Variants in IQCK observed in about 807,000 individuals in gnomAD.
The protein encoded by IQCK is IQ domain-containing protein K.
A neutral mutation model predicts 28.1 loss-of-function variants in IQCK; 29 were observed. The observed-to-expected ratio is 1.03, with a 90% CI of 0.77 to 1.41. The LOEUF (loss-of-function observed/expected upper bound fraction) is 1.41, where lower values mean the gene tolerates loss of function less well. Ranked by LOEUF, IQCK falls within the 40% of genes most tolerant of loss-of-function variation. The pLI, the probability that IQCK is intolerant of heterozygous loss-of-function variation, is 0.00. For synonymous variants in IQCK, 113 were observed against 115.1 expected (o/e 0.98, Z 0.12); for missense variants, 359 against 314.7 (o/e 1.14, Z -1.07).
intron 4 of IQCK, among the ~76,000 whole-genome samples, chr16:19,744,647 C>A (rs2054882200): frequency 6.6e-6 from 1 of 152,074 alleles, no homozygotes; most frequent in African/African-American, 2.4e-5. Flanking sequence ...TTTATTTAAC[C>A]CTTTCTCAAA....
rs201028843 is a variant in IQCK, at chr16:19,839,625, T to A, written c.802+12488T>A. On this transcript the variant is annotated intron_variant, in intron 9 of 9. Coordinates refer to the IQCK transcript ENST00000320394. ...ATGGTAGACAGTCAAGGAATACTTG[T>A]TGGTTGAATGAATGGATCTGTGTTA... is the stretch of plus-strand genomic sequence containing the variant. 3.3e-5 allele frequency among the ~76,000 whole-genome samples: 5 copies of A among 152,268 alleles called. No individual in the cohort carries two copies. The East Asian group carries it at 9.6e-4, about 29-fold the overall frequency.
chr16:19,854,213 C>T (rs538679246), intron 9 of IQCK, among the ~76,000 whole-genome samples: 18 of 152,352 alleles, frequency 1.2e-4, no homozygotes, highest in African/African-American at 4.3e-4. Flanking sequence ...TTCTTACAAG[C>T]AGCCAGGGTA....
intron 9 of IQCK, among the ~76,000 whole-genome samples, chr16:19,843,483 C>A (rs1378747099): frequency 3.9e-5 from 6 of 152,216 alleles, no homozygotes; most frequent in Non-Finnish European, 2.9e-5. Flanking sequence ...TCCTTTGTGA[C>A]TGACTTCTTT....
Position 19,820,775 on chromosome 16 carries a change from T to C in IQCK, c.691-6251T>C, listed in dbSNP as rs995596955. On this transcript the variant is annotated intron_variant, in intron 7 of 7. Coordinates refer to ENST00000564186, the Ensembl canonical transcript of IQCK. ...AGAAAATACTAGTATATAATACATT[T>C]GAGAAGCGTATAGTGTCCAAAACAT... Among the ~76,000 whole-genome samples the C allele has an allele frequency of 9.2e-5, 14 of 152,200 alleles. No individual in the cohort carries two copies. In the East Asian group the frequency reaches 2.5e-3, roughly 27 times the overall value.
At chr16:19,766,580 C>T (rs765399562) in intron 6 of IQCK, among the ~76,000 whole-genome samples, 15 of 152,232 alleles carry the variant, frequency 9.9e-5, no homozygotes, top group South Asian at 6.2e-4. Context: ...GTTGTCTCAA[C>T]CTTGGCACTA....
intron 7 of IQCK, among the ~76,000 whole-genome samples, chr16:19,812,233 C>T (rs1195418979): frequency 4.6e-5 from 7 of 152,098 alleles, no homozygotes. Flanking sequence ...GTGATCCGCC[C>T]ACCTGGGCCT....
At chr16:19,757,432 G>T (rs138943926) in intron 4 of IQCK, among the ~76,000 whole-genome samples, 4,691 of 152,294 alleles carry the variant, frequency 0.031, 226 homozygotes, top group African/African-American at 0.11. Flanking sequence ...CAGCACTTTG[G>T]GAGGCCGAGG....
At chr16:19,835,390 A>G (rs1049632013) in intron 9 of IQCK, among the ~76,000 whole-genome samples, 2 of 152,174 alleles carry the variant, frequency 1.3e-5, no homozygotes, top group Non-Finnish European at 2.9e-5. Context: ...TATCATTGCC[A>G]TCTGCTTCAT....
chr16:19,766,401 G>A lies in IQCK; in HGVS notation c.605+2289G>A, dbSNP rs546414048. 2.0e-5 allele frequency among the ~76,000 whole-genome samples: 3 copies of A among 152,368 alleles called. No homozygotes were observed. In the East Asian group the frequency reaches 5.8e-4, roughly 29 times the overall value. On this transcript the variant is annotated intron_variant, in intron 6 of 7. Transcript: ENST00000564186. ...ACGTGCCCTTCCTGGTGGGCCTGGAGCCAGCCCAGCTGGGGCAGCGGCCAA... is the reference window on the plus strand; with the variant it reads ...ACGTGCCCTTCCTGGTGGGCCTGGAACCAGCCCAGCTGGGGCAGCGGCCAA...
chr16:19,785,561 A>G (rs1374073900), intron 6 of IQCK, among the ~76,000 whole-genome samples: 3 of 152,194 alleles, frequency 2.0e-5, no homozygotes, highest in Admixed American at 6.5e-5. Flanking sequence ...TGCACAGCTG[A>G]TGGGAAATTG....
At chr16:19,778,422 G>A (rs548016590) in intron 6 of IQCK, among the ~76,000 whole-genome samples, 46 of 152,202 alleles carry the variant, frequency 3.0e-4, no homozygotes, top group African/African-American at 1.1e-3. Context: ...TTGGGAGGCC[G>A]AGGCGGGAGG....
At chr16:19,817,674 AAATTAATT>A (rs59095227) in intron 7 of IQCK, among the ~76,000 whole-genome samples, 1 of 152,046 alleles carries the variant, frequency 6.6e-6, no homozygotes, top group African/African-American at 2.4e-5. Context: ...ATTATAGGAA[AAATTAATT>A]AATTATTTAT....
chr16:19,764,687 A>C (rs1359972260), intron 6 of IQCK, among the ~76,000 whole-genome samples: 2 of 148,240 alleles, frequency 1.3e-5, no homozygotes, highest in African/African-American at 2.5e-5. Flanking sequence ...TTATTCCTTT[A>C]ATTTCTTTTT....
At chr16:19,725,873 T>C (rs1777536717) in intron 1 of IQCK, among the ~76,000 whole-genome samples, 1 of 152,224 alleles carries the variant, frequency 6.6e-6, no homozygotes, top group Admixed American at 6.5e-5. Flanking sequence ...GAAATTTATA[T>C]TTTTTCCATC....
At chr16:19,824,983 C>T (rs983512389) in intron 7 of IQCK, among the ~76,000 whole-genome samples, 6 of 152,178 alleles carry the variant, frequency 3.9e-5, no homozygotes, top group African/African-American at 1.4e-4. Context: ...AGGCTGGGTT[C>T]GATGCCCCTT....
intron 7 of IQCK, among the ~76,000 whole-genome samples, chr16:19,802,729 T>A (rs1377411497): frequency 2.0e-5 from 3 of 152,148 alleles, no homozygotes; most frequent in Non-Finnish European, 4.4e-5. Context: ...TTTTCCAGCA[T>A]GTTACATAAA....
At position 19,764,126 on chromosome 16, in the gene IQCK, A is replaced by G; in HGVS notation, c.605+14A>G. Reference sequence around the variant, plus strand: ...GCTAAAGCAACAGTGAGTATGACACAAGGCTTTGAATAATTTATTCCTAAT... The same window carrying G: ...GCTAAAGCAACAGTGAGTATGACACGAGGCTTTGAATAATTTATTCCTAAT... On this transcript the variant is annotated intron_variant, in intron 6 of 7. Coordinates refer to ENST00000564186, the Ensembl canonical transcript of IQCK. 3 of 1,586,460 alleles carry G rather than the reference A, an allele frequency of 1.9e-6. No individual in the cohort carries two copies. The highest frequency in any genetic ancestry group is 2.6e-6 in the Non-Finnish European group (3 of 1,157,070).
chr16:19,800,589 G>A (rs1482514162), intron 7 of IQCK, among the ~76,000 whole-genome samples: 1 of 21,172 alleles, frequency 4.7e-5, no homozygotes, highest in Admixed American at 5.0e-4. Flanking sequence ...ATAAATATTG[G>A]GAATTTAATC....
Position 19,718,851 on chromosome 16 carries a change from C to A in IQCK, c.181+364C>A, listed in dbSNP as rs188579379. ...GGATCTTGTTATAAACGGAGGTTCCCAGGCCCCGCCCACAGAGCTTCAAAT... is the reference window on the plus strand; with the variant it reads ...GGATCTTGTTATAAACGGAGGTTCCAAGGCCCCGCCCACAGAGCTTCAAAT... On this transcript the variant is annotated intron_variant, in intron 1 of 7. Transcript: ENST00000564186. Among the ~76,000 whole-genome samples the A allele has an allele frequency of 4.0e-3, 605 of 152,296 alleles. 3 individuals are homozygous for A. Among genetic ancestry groups the A allele is most frequent in the African/African-American group, 0.013 (558 of 41,566 alleles).
Sources: gnomAD v4.1 joint callset for allele counts (sites outside exome capture counted in the v4.1 genomes callset) on GRCh38, gnomAD v4.1.1 for gene constraint, MANE v1.5 for transcripts, NCBI Gene and HGNC (gene_info 2026-07-23, HGNC 2026-07-21) for gene names.